ABCA9: variants seen among roughly 807,000 people sequenced by gnomAD.
ABCA9 encodes ATP binding cassette subfamily A member 9.
A neutral mutation model predicts 205.3 loss-of-function variants in ABCA9; 183 were observed. The observed-to-expected ratio is 0.89, with a 90% CI of 0.79 to 1.01. The LOEUF (loss-of-function observed/expected upper bound fraction) is 1.01, where lower values mean the gene tolerates loss of function less well. ABCA9 is among the 50% of genes least tolerant of loss of function. The pLI, the probability that ABCA9 is intolerant of heterozygous loss-of-function variation, is 0.00. For synonymous variants in ABCA9, 651 were observed against 683.3 expected (o/e 0.95, Z 0.74); for missense variants, 1,805 against 1,912.4 (o/e 0.94, Z 1.05).
rs1175971425 is a variant in ABCA9 at position 68,977,731 on chromosome 17, G to T, written c.4721-1541C>A. Among the ~76,000 whole-genome samples the T allele has an allele frequency of 2.0e-5, 3 of 152,222 alleles. No individual in the cohort carries two copies. The East Asian group carries it at 5.8e-4, about 29-fold the overall frequency. On this transcript the variant is annotated intron_variant, in intron 37 of 38. Transcript: ENST00000340001. The stretch of plus-strand genomic sequence containing the variant: ...GCCTAGCCCATTCAATAAGTGTATT[G>T]CACCTGAGAATGTAACAGTGTCCAA...
intron 1 of ABCA9, among the ~76,000 whole-genome samples, chr17:69,059,112 C>T (rs2072156956): frequency 6.6e-6 from 1 of 152,068 alleles, no homozygotes. Context: ...GCGTCCCTCC[C>T]ATGACAGATA....
At chr17:69,025,789 T>A (rs914452799) in intron 16 of ABCA9, among the ~76,000 whole-genome samples, 1 of 152,188 alleles carries the variant, frequency 6.6e-6, no homozygotes, top group African/African-American at 2.4e-5. Flanking sequence ...ATTGGCAGAT[T>A]GTTAAAACTA....
At chr17:68,976,865 G>T (rs1249071594) in intron 37 of ABCA9, among the ~76,000 whole-genome samples, 1 of 152,114 alleles carries the variant, frequency 6.6e-6, no homozygotes, top group East Asian at 1.9e-4. Context: ...ATACCAATTT[G>T]GACCATGACT....
At chr17:69,064,861 ATTT>A (rs565594958), upstream of ABCA9, among the ~76,000 whole-genome samples, 6 of 151,570 alleles carry the variant, frequency 4.0e-5, no homozygotes, top group South Asian at 1.3e-3. Flanking sequence ...CCATTTGTAA[ATTT>A]TTTTTTACTA....
chr17:69,066,784 G>A, the ABCA9 span, among the ~76,000 whole-genome samples: 3 of 152,184 alleles, frequency 2.0e-5, no homozygotes, highest in Non-Finnish European at 4.4e-5. Flanking sequence ...TGAGGATACT[G>A]TGAGGAGTCT....
intron 25 of ABCA9, among the ~76,000 whole-genome samples, chr17:69,001,253 G>A (rs940478793): frequency 6.6e-6 from 1 of 151,946 alleles, no homozygotes; most frequent in Non-Finnish European, 1.5e-5. Flanking sequence ...ATTGGCTGTG[G>A]GTTTGTCATA....
intron 8 of ABCA9, among the ~76,000 whole-genome samples, 187 bp from the exon 9 acceptor site, chr17:69,034,060 A>G (rs142958000): frequency 2.9e-4 from 44 of 152,314 alleles, no homozygotes; most frequent in African/African-American, 9.4e-4. Flanking sequence ...TGGGAAATGA[A>G]TGGAAGTTAG....
upstream of ABCA9, among the ~76,000 whole-genome samples, chr17:69,062,829 G>T (rs1297979465): frequency 3.3e-5 from 5 of 152,234 alleles, no homozygotes; most frequent in African/African-American, 1.2e-4. Context: ...CTCTTATAAA[G>T]AAGTTTTTGA....
At position 69,026,962 on chromosome 17, in the gene ABCA9, A is replaced by G. The variant is rs963886862; in HGVS notation, c.2050+14T>C. On this transcript the variant is annotated intron_variant, in intron 15 of 38. Coordinates refer to ENST00000340001, the MANE Select transcript of ABCA9 (RefSeq NM_080283.4). ...AACCTCTCATGAAGATACATAAGAGAAACAAAAAATTACCCGCCAGAATGT... is the reference window on the plus strand; with the variant it reads ...AACCTCTCATGAAGATACATAAGAGGAACAAAAAATTACCCGCCAGAATGT... 1 of 1,613,598 alleles carries G rather than the reference A, an allele frequency of 6.2e-7. No homozygotes were observed. The highest frequency in any genetic ancestry group is 8.5e-7 in the Non-Finnish European group (1 of 1,179,734).
chr17:68,981,360 G>A (rs1231804863), intron 37 of ABCA9, among the ~76,000 whole-genome samples: 2 of 151,954 alleles, frequency 1.3e-5, no homozygotes, highest in Non-Finnish European at 2.9e-5. Flanking sequence ...AGAAACATGA[G>A]CAGCCTTTTT....
intron 25 of ABCA9, among the ~76,000 whole-genome samples, chr17:69,003,278 G>T (rs1419249097): frequency 6.6e-6 from 1 of 151,804 alleles, no homozygotes; most frequent in South Asian, 2.1e-4. Flanking sequence ...TCCATATTTA[G>T]CACTTCCTTC....
chr17:69,009,316 G>GAGTT (rs1389385502), intron 23 of ABCA9, among the ~76,000 whole-genome samples: 4 of 152,174 alleles, frequency 2.6e-5, no homozygotes, highest in African/African-American at 9.7e-5. Context: ...GTGAAGTCAT[G>GAGTT]AGTTAGGGTA....
At chr17:68,990,555 T>A (rs1405949926) in intron 29 of ABCA9, among the ~76,000 whole-genome samples, 1 of 152,216 alleles carries the variant, frequency 6.6e-6, no homozygotes, top group Admixed American at 6.5e-5. Flanking sequence ...CTAATTTTTT[T>A]ATTTTTAATT....
intron 37 of ABCA9, among the ~76,000 whole-genome samples, chr17:68,977,703 C>T (rs1289131415): frequency 2.6e-5 from 4 of 152,266 alleles, no homozygotes; most frequent in East Asian, 3.9e-4. Context: ...TGGACGACAC[C>T]GTGCCTAGCC....
At chr17:69,026,934 T>C in intron 15 of ABCA9, 42 bp downstream of exon 15, 1 of 1,607,834 alleles carries the variant, frequency 6.2e-7, no homozygotes, top group East Asian at 2.2e-5. Context: ...CCACACTGTC[T>C]CTAACCTCTC....
In ABCA9 at chr17:68,993,193, A is replaced by T. The variant is rs1598342635; in HGVS notation, c.3556-109T>A. The T allele has an allele frequency of 3.6e-6, 3 of 836,480 alleles. No homozygotes were observed. The East Asian group carries it at 7.9e-5, about 22-fold the overall frequency. The allele number at this position is 836,480 out of a possible 1,614,324, so 51.8% of individuals were successfully genotyped here. A position where few individuals can be genotyped will look rare whatever the true frequency, so the allele number is the denominator to read the frequency against. Reference sequence around the variant, plus strand: ...TATTCAATGGCCTTACAACCATTCGACCTGATGCTCCCTTGGGTATCATGT... The same window carrying T: ...TATTCAATGGCCTTACAACCATTCGTCCTGATGCTCCCTTGGGTATCATGT... On this transcript the variant is annotated intron_variant, in intron 26 of 38. Coordinates refer to ENST00000340001, the MANE Select transcript of ABCA9 (RefSeq NM_080283.4).
rs1308618234 is a variant in ABCA9 at position 69,045,216 on chromosome 17, C to G, written c.425G>C (p.Trp142Ser). The change falls in exon 4 of 39, where the codon TGG becomes TCG. Residue 142 changes from tryptophan to serine, a missense_variant. Trp to Ser is a radical substitution (Grantham distance 177). Coordinates refer to ENST00000340001, the MANE Select transcript of ABCA9 (RefSeq NM_080283.4). Reference sequence around the variant, plus strand: ...TTTCATCATGGGGATTCTATGTCCCCAAGAAAACTTCAAATGGTAGGAGAA... The same window carrying G: ...TTTCATCATGGGGATTCTATGTCCCGAAGAAAACTTCAAATGGTAGGAGAA... ...DTFSYHLKFS[W>S]GHRIPMMKEH... 1 of 1,612,654 alleles carries G rather than the reference C, an allele frequency of 6.2e-7. No individual in the cohort carries two copies. Among genetic ancestry groups the G allele is most frequent in the African/African-American group, 1.3e-5 (1 of 74,728 alleles).
At chr17:69,001,070 G>A (rs2069847534) in intron 25 of ABCA9, among the ~76,000 whole-genome samples, 1 of 152,078 alleles carries the variant, frequency 6.6e-6, no homozygotes, top group Admixed American at 6.5e-5. Flanking sequence ...TGCAAACAGG[G>A]ACAATTTGAC....
At chr17:69,027,891 A>G (rs2071044814) in intron 12 of ABCA9, 76 bp from the exon 13 acceptor site, 4 of 1,140,660 alleles carry the variant, frequency 3.5e-6, no homozygotes, top group Admixed American at 4.7e-5. Flanking sequence ...AATGGAAAAC[A>G]CTGTATGTCA....
Sources: gnomAD v4.1 joint callset for allele counts (sites outside exome capture counted in the v4.1 genomes callset) on GRCh38, gnomAD v4.1.1 for gene constraint, MANE v1.5 for transcripts, NCBI Gene and HGNC (gene_info 2026-07-23, HGNC 2026-07-21) for gene names.